The following B3GLCT variants were observed in gnomAD, a reference collection of about 807,000 sequenced individuals.
The protein encoded by B3GLCT is beta 3-glucosyltransferase.
In B3GLCT, 65 loss-of-function variants were observed where a neutral mutation model predicts 63.4. That is an observed-to-expected ratio of 1.03 (90% confidence interval 0.84 to 1.26). The LOEUF (loss-of-function observed/expected upper bound fraction) is 1.26. B3GLCT is among the 50% of genes most tolerant of loss of function. B3GLCT has a pLI of 0.00. For synonymous variants in B3GLCT, 233 were observed against 219.2 expected (o/e 1.06, Z -0.55); for missense variants, 577 against 604.8 (o/e 0.95, Z 0.48).
At chr13:31,280,051 C>T (rs183745562) in intron 10 of B3GLCT, among the ~76,000 whole-genome samples, 7 of 152,108 alleles carry the variant, frequency 4.6e-5, no homozygotes, top group Admixed American at 3.3e-4. Flanking sequence ...TTTCAAGGTG[C>T]CCAGATTTCA....
chr13:31,226,608 A>AT (rs58799228), intron 3 of B3GLCT, among the ~76,000 whole-genome samples: 2,280 of 150,298 alleles, frequency 0.015, 60 homozygotes, highest in African/African-American at 0.052. Context: ...TTTTATTTTT[A>AT]TTTTTTTTTA....
At chr13:31,286,627 T>C (rs879503983) in intron 11 of B3GLCT, 93 bp from the exon 12 acceptor site, 10 of 913,426 alleles carry the variant, frequency 1.1e-5, no homozygotes, top group South Asian at 3.2e-5. Flanking sequence ...GCATGTAAGC[T>C]CTTAGAACAC....
At chr13:31,288,588 C>T (rs1873471226) in intron 12 of B3GLCT, among the ~76,000 whole-genome samples, 1 of 152,188 alleles carries the variant, frequency 6.6e-6, no homozygotes, top group Non-Finnish European at 1.5e-5. Flanking sequence ...TTCACAGCTT[C>T]AGCTAATAAC....
chr13:31,210,719 C>T (rs974310614), intron 1 of B3GLCT, among the ~76,000 whole-genome samples: 4 of 152,036 alleles, frequency 2.6e-5, no homozygotes, highest in Admixed American at 1.3e-4. Context: ...TATTCAGTGC[C>T]TTCACAATAT....
chr13:31,215,871 C>G (rs1472398704), intron 2 of B3GLCT, among the ~76,000 whole-genome samples: 1 of 152,130 alleles, frequency 6.6e-6, no homozygotes, highest in Non-Finnish European at 1.5e-5. Context: ...CCAAAGGTGA[C>G]TATGCTACCA....
intron 1 of B3GLCT, among the ~76,000 whole-genome samples, chr13:31,208,585 T>A (rs1869093182): frequency 8.5e-6 from 1 of 117,406 alleles, no homozygotes; most frequent in Non-Finnish European, 1.9e-5. Flanking sequence ...CCGGGTGCTC[T>A]GTCTCAGAGC....
intron 7 of B3GLCT, among the ~76,000 whole-genome samples, chr13:31,267,923 C>T (rs1480158399): frequency 1.3e-5 from 2 of 151,634 alleles, no homozygotes; most frequent in African/African-American, 2.4e-5. Context: ...TGACTGCAGC[C>T]TTCAACTACT....
At chr13:31,204,027 G>T (rs1052274209) in intron 1 of B3GLCT, among the ~76,000 whole-genome samples, 18 of 152,238 alleles carry the variant, frequency 1.2e-4, no homozygotes, top group Admixed American at 2.6e-4. Flanking sequence ...GACAGATCTA[G>T]TCTGTCTCTA....
chr13:31,304,188 G>A (rs1874326291), intron 12 of B3GLCT, among the ~76,000 whole-genome samples: 1 of 75,754 alleles, frequency 1.3e-5, no homozygotes, highest in Admixed American at 1.4e-4. Context: ...CGCTAAACAT[G>A]GAAAGGAACA....
intron 1 of B3GLCT, among the ~76,000 whole-genome samples, chr13:31,208,610 T>C (rs1869096207): frequency 9.5e-6 from 1 of 104,716 alleles, no homozygotes; most frequent in African/African-American, 3.8e-5. Context: ...AGCTTCTGCT[T>C]CTTTAGTGGC....
intron 6 of B3GLCT, among the ~76,000 whole-genome samples, chr13:31,251,482 G>C (rs1262013874): frequency 6.6e-6 from 1 of 152,164 alleles, no homozygotes; most frequent in African/African-American, 2.4e-5. Context: ...AAAGGTTATA[G>C]GAATTGCTAA....
chr13:31,209,155 A>G (rs1221990406), intron 1 of B3GLCT, among the ~76,000 whole-genome samples: 2 of 152,200 alleles, frequency 1.3e-5, no homozygotes, highest in Non-Finnish European at 2.9e-5. Context: ...GTGCTGTCCC[A>G]TGGTAGATGG....
chr13:31,253,535 G>A (rs1871545187), intron 6 of B3GLCT, among the ~76,000 whole-genome samples: 1 of 135,466 alleles, frequency 7.4e-6, no homozygotes, highest in Non-Finnish European at 1.5e-5. Context: ...GGAGCTTGCA[G>A]CAGTTGTCTG....
At chr13:31,228,316 G>C (rs1043183261) in intron 3 of B3GLCT, among the ~76,000 whole-genome samples, 10 of 152,238 alleles carry the variant, frequency 6.6e-5, no homozygotes, top group Non-Finnish European at 1.2e-4. Flanking sequence ...GAACTCATGG[G>C]AGATGGGCAG....
chr13:31,331,866 A>G lies in B3GLCT; in HGVS notation c.*2198A>G, dbSNP rs1875944811. ...GCTTTGAAATAGGGCTTTCCTTCCA[A>G]ATGGCTATTTTTAGGCTAGGGATGT... is the stretch of plus-strand genomic sequence containing the variant. On this transcript the variant is annotated 3_prime_UTR_variant, in exon 15 of 15. Coordinates refer to ENST00000343307, the MANE Select transcript of B3GLCT (RefSeq NM_194318.4). 6.6e-6 allele frequency: 1 copy of G among 152,122 alleles called. No individual in the cohort carries two copies. The highest frequency in any genetic ancestry group is 1.5e-5 in the Non-Finnish European group (1 of 68,024). 9.4% of individuals were successfully genotyped at this position (152,122 alleles called of 1,614,324 possible).
At chr13:31,302,085 C>T (rs1874249113) in intron 12 of B3GLCT, among the ~76,000 whole-genome samples, 1 of 152,198 alleles carries the variant, frequency 6.6e-6, no homozygotes, top group Non-Finnish European at 1.5e-5. Flanking sequence ...CTCTCCCCTT[C>T]ATCATTTTCT....
chr13:31,320,671 A>G (rs563023087), intron 13 of B3GLCT, among the ~76,000 whole-genome samples: 1 of 152,310 alleles, frequency 6.6e-6, no homozygotes, highest in African/African-American at 2.4e-5. Flanking sequence ...CTGCACTCCA[A>G]GGCTTATAAG....
At chr13:31,293,539 C>G (rs1873786805) in intron 12 of B3GLCT, among the ~76,000 whole-genome samples, 1 of 152,066 alleles carries the variant, frequency 6.6e-6, no homozygotes, top group African/African-American at 2.4e-5. Context: ...TGCATTGATC[C>G]CTTTACCATT....
chr13:31,238,022 A>G (rs1010064897), intron 4 of B3GLCT, among the ~76,000 whole-genome samples: 1 of 152,244 alleles, frequency 6.6e-6, no homozygotes, highest in Non-Finnish European at 1.5e-5. Context: ...CTCAAAATAT[A>G]TATTCCTCCC....
Sources: gnomAD v4.1 joint callset for allele counts (sites outside exome capture counted in the v4.1 genomes callset) on GRCh38, gnomAD v4.1.1 for gene constraint, MANE v1.5 for transcripts, NCBI Gene and HGNC (gene_info 2026-07-23, HGNC 2026-07-21) for gene names.